PRKN: variants seen among roughly 807,000 people sequenced by gnomAD.
The protein encoded by PRKN is E3 ubiquitin-protein ligase parkin.
In PRKN, 56 loss-of-function variants were observed where a neutral mutation model predicts 59.5. That is an observed-to-expected ratio of 0.94 (90% CI 0.76 to 1.18). The LOEUF is 1.18. Ranked by LOEUF, PRKN falls within the 50% of genes most tolerant of loss-of-function variation. PRKN has a pLI of 0.00. For synonymous variants in PRKN, 250 were observed against 222.1 expected (o/e 1.13, Z -1.12); for missense variants, 657 against 596.4 (o/e 1.10, Z -1.06).
intron 6 of PRKN, among the ~76,000 whole-genome samples, chr6:161,811,651 G>A (rs1437103357): frequency 2.6e-5 from 4 of 152,158 alleles, no homozygotes; most frequent in South Asian, 4.1e-4. Flanking sequence ...GGCCGGGCAC[G>A]GTGGCTCACA....
chr6:161,950,555 G>A (rs1233520169), intron 6 of PRKN, among the ~76,000 whole-genome samples: 1 of 151,950 alleles, frequency 6.6e-6, no homozygotes, highest in African/African-American at 2.4e-5. Flanking sequence ...AAAAAAAGTG[G>A]TTCTCTCTTT....
intron 6 of PRKN, among the ~76,000 whole-genome samples, chr6:161,968,244 G>C (rs1780660079): frequency 6.8e-6 from 1 of 147,334 alleles, no homozygotes; most frequent in Non-Finnish European, 1.5e-5. Flanking sequence ...CCCCATGTTG[G>C]CCATGGCTGC....
chr6:162,228,401 G>C (rs555749798), intron 3 of PRKN, among the ~76,000 whole-genome samples: 4 of 152,318 alleles, frequency 2.6e-5, no homozygotes, highest in Non-Finnish European at 4.4e-5. Context: ...ACAGGGACTA[G>C]AGACTCTTCT....
intron 7 of PRKN, among the ~76,000 whole-genome samples, chr6:161,734,603 A>G (rs971972103): frequency 1.3e-5 from 2 of 152,226 alleles, no homozygotes; most frequent in African/African-American, 4.8e-5. Flanking sequence ...GCGGCAATAG[A>G]AAATGAATAC....
chr6:162,260,463 T>C (rs1195921076), intron 3 of PRKN, among the ~76,000 whole-genome samples: 3 of 152,210 alleles, frequency 2.0e-5, no homozygotes, highest in Non-Finnish European at 4.4e-5. Context: ...CAGAATTTTC[T>C]CAGTGCCTAC....
At chr6:162,158,246 C>T (rs567762890) in intron 4 of PRKN, among the ~76,000 whole-genome samples, 6 of 152,080 alleles carry the variant, frequency 3.9e-5, no homozygotes, top group East Asian at 3.9e-4. Context: ...TCTGTCTCAA[C>T]GGTTGTTCTC....
intron 1 of PRKN, among the ~76,000 whole-genome samples, chr6:162,620,024 A>G (rs975841996): frequency 2.1e-5 from 3 of 145,016 alleles, no homozygotes; most frequent in Middle Eastern, 3.5e-3. Context: ...TACATATTAG[A>G]CATACCAAAA....
intron 4 of PRKN, among the ~76,000 whole-genome samples, chr6:162,055,649 G>A (rs1047342250): frequency 6.6e-5 from 10 of 152,154 alleles, no homozygotes; most frequent in African/African-American, 2.4e-4. Context: ...TCCAGGAGAC[G>A]TGGTATGAGG....
chr6:161,400,614 G>T lies in PRKN; in HGVS notation c.1084-13737C>A, dbSNP rs956566252. Among the ~76,000 whole-genome samples the T allele has an allele frequency of 2.6e-5, 4 of 151,878 alleles. No homozygotes were observed. The East Asian group carries it at 7.7e-4, about 29-fold the overall frequency. On this transcript the variant is annotated intron_variant, in intron 9 of 11. Coordinates refer to ENST00000366898, the MANE Select transcript of PRKN (RefSeq NM_004562.3). The surrounding 1 kb of genome is among the most constrained non-coding windows in gnomAD (Gnocchi z 4.2). The stretch of plus-strand genomic sequence containing the variant: ...CAGGCATGAGCCACCACGCTCGGCC[G>T]AAAATTAAACGTATTCTAAGACAAA...
At chr6:161,617,791 G>A (rs1782750748) in intron 7 of PRKN, among the ~76,000 whole-genome samples, 1 of 152,220 alleles carries the variant, frequency 6.6e-6, no homozygotes, top group African/African-American at 2.4e-5. Context: ...CATGGGATGG[G>A]GGGCAACCTA....
chr6:161,570,141 AAAAAAAT>A (rs1470895253), intron 7 of PRKN, among the ~76,000 whole-genome samples: 23 of 134,414 alleles, frequency 1.7e-4, no homozygotes, highest in African/African-American at 6.4e-4. Flanking sequence ...AAAAAAAAAA[AAAAAAAT>A]ATATATATAT....
Position 161,549,044 on chromosome 6 carries a change from G to A in PRKN, c.934-41C>T, listed in dbSNP as rs1439507397. 6 of 1,612,166 alleles carry A rather than the reference G, an allele frequency of 3.7e-6. No homozygotes were observed. Among genetic ancestry groups the A allele is most frequent in the Non-Finnish European group, 4.2e-6 (5 of 1,178,246 alleles). On this transcript the variant is annotated intron_variant, in intron 8 of 11. Transcript: ENST00000366898. This position sits in a 1 kb window ranked among gnomAD's most constrained non-coding sequence, Gnocchi z 6.0. The stretch of plus-strand genomic sequence containing the variant: ...AGCAGATTGAGCTTTCAAACTGACT[G>A]CAAATTTCAGCCAAAGGGTTAGGAG...
intron 1 of PRKN, among the ~76,000 whole-genome samples, chr6:162,513,906 T>A (rs1186562544): frequency 4.6e-5 from 7 of 151,214 alleles, no homozygotes; most frequent in African/African-American, 1.5e-4. Context: ...ATACAAAAAA[T>A]ATGGTGATGC....
intron 2 of PRKN, among the ~76,000 whole-genome samples, chr6:162,376,910 G>C (rs1034469794): frequency 1.1e-4 from 17 of 151,150 alleles, no homozygotes; most frequent in African/African-American, 4.1e-4. Context: ...GGTAGGAAGA[G>C]ACCACGAGGA....
At chr6:162,306,923 T>C (rs750519253) in intron 2 of PRKN, among the ~76,000 whole-genome samples, 4 of 152,174 alleles carry the variant, frequency 2.6e-5, no homozygotes, top group Admixed American at 1.3e-4. Flanking sequence ...GTGTGTTGTT[T>C]AACTCAAGTG....
rs1356169172 is a variant in PRKN, at chr6:161,357,233, G to A, written c.1285+2855C>T. The stretch of plus-strand genomic sequence containing the variant: ...TGCCCAGCTAACTTTTCTATTTTTA[G>A]TGGAGACGGGGTTTCGCCATGTTGG... On this transcript the variant is annotated intron_variant, in intron 11 of 11. Transcript: ENST00000366898. The surrounding 1 kb of genome is among the most constrained non-coding windows in gnomAD (Gnocchi z 5.5). Among the ~76,000 whole-genome samples the A allele has an allele frequency of 6.6e-6, 1 of 152,080 alleles. No homozygotes were observed. Among genetic ancestry groups the A allele is most frequent in the East Asian group, 1.9e-4 (1 of 5,178 alleles).
At chr6:161,534,417 G>A (rs558290737) in intron 9 of PRKN, among the ~76,000 whole-genome samples, 1 of 152,244 alleles carries the variant, frequency 6.6e-6, no homozygotes, top group African/African-American at 2.4e-5. Context: ...CGTTGCTGAG[G>A]ATACAAAAAT....
At chr6:161,885,587 C>T (rs1038262450) in intron 6 of PRKN, among the ~76,000 whole-genome samples, 1 of 151,328 alleles carries the variant, frequency 6.6e-6, no homozygotes, top group African/African-American at 2.4e-5. Context: ...ATGGCGTGAA[C>T]CCGGGAGGCG....
intron 5 of PRKN, among the ~76,000 whole-genome samples, chr6:162,025,887 G>C (rs1160004755): frequency 1.3e-5 from 2 of 151,974 alleles, no homozygotes; most frequent in Admixed American, 6.6e-5. Context: ...CTGCCCCCGG[G>C]CCATGGTGTG....
Sources: allele counts gnomAD v4.1 joint callset (sites outside exome capture counted in the v4.1 genomes callset), GRCh38; gene constraint gnomAD v4.1.1; non-coding constraint Gnocchi (gnomAD v3.1); transcripts MANE v1.5; gene names NCBI Gene and HGNC (gene_info 2026-07-23, HGNC 2026-07-21).